Variants in FCHSD2 observed in about 807,000 individuals in gnomAD.
FCHSD2 encodes FCH and double SH3 domains 2.
Under a neutral mutation model 108.1 loss-of-function variants are expected in FCHSD2, and 38 were observed. The observed-to-expected ratio is 0.35, with a 90% CI of 0.27 to 0.46. The LOEUF (loss-of-function observed/expected upper bound fraction) is 0.46. FCHSD2 is among the 20% of genes least tolerant of loss of function. FCHSD2 has a pLI of 1.00. For synonymous variants in FCHSD2, 279 were observed against 314.7 expected (o/e 0.89, Z 1.20); for missense variants, 751 against 897.8 (o/e 0.84, Z 2.09).
At chr11:72,847,098 G>GTGATCCTCCTGCC (rs1214968465) in intron 14 of FCHSD2, among the ~76,000 whole-genome samples, 1 of 152,188 alleles carries the variant, frequency 6.6e-6, no homozygotes, top group Non-Finnish European at 1.5e-5. Flanking sequence ...CTGGGCTCCA[G>GTGATCCTCCTGCC]TGATCCTCCT....
intron 14 of FCHSD2, among the ~76,000 whole-genome samples, chr11:72,843,993 G>A (rs1303724486): frequency 1.3e-5 from 2 of 152,144 alleles, no homozygotes; most frequent in Admixed American, 1.3e-4. Flanking sequence ...GGGCAACAGA[G>A]CGAGACCCTG....
At chr11:73,058,460 A>C (rs1859082643) in intron 3 of FCHSD2, among the ~76,000 whole-genome samples, 1 of 152,188 alleles carries the variant, frequency 6.6e-6, no homozygotes, top group Admixed American at 6.5e-5. Context: ...TTTGAATACT[A>C]CTAGTATAAC....
At chr11:72,937,648 ATTT>A (rs897787208) in intron 8 of FCHSD2, among the ~76,000 whole-genome samples, 55 of 152,226 alleles carry the variant, frequency 3.6e-4, no homozygotes, top group African/African-American at 1.3e-3. Flanking sequence ...TGGCCAAAAT[ATTT>A]TTTTAGAACC....
At chr11:72,959,395 ATT>A (rs530090539) in intron 8 of FCHSD2, among the ~76,000 whole-genome samples, 1 of 138,026 alleles carries the variant, frequency 7.2e-6, no homozygotes. Flanking sequence ...ATGCCCGGCT[ATT>A]TTTTTTTTTT....
At chr11:72,845,838 G>C (rs1861117853) in intron 14 of FCHSD2, among the ~76,000 whole-genome samples, 1 of 152,178 alleles carries the variant, frequency 6.6e-6, no homozygotes, top group African/African-American at 2.4e-5. Context: ...GCAAGTGACT[G>C]TAAGATACCT....
chr11:72,918,783 G>A (rs1201600558), intron 9 of FCHSD2, among the ~76,000 whole-genome samples: 3 of 151,878 alleles, frequency 2.0e-5, no homozygotes, highest in Non-Finnish European at 4.4e-5. Flanking sequence ...AATGAACTTT[G>A]TTATTAATTG....
chr11:72,867,816 C>T lies in FCHSD2; in HGVS notation c.1308+49G>A, dbSNP rs376171133. On this transcript the variant is annotated intron_variant, in intron 13 of 19. Transcript: ENST00000409418. The stretch of plus-strand genomic sequence containing the variant: ...ATTAAGTTTGACTACAGAGTCAAAG[C>T]ATGCTTCAGTGAAAATCAACTTGTC... 197 of 1,549,760 alleles carry T rather than the reference C, an allele frequency of 1.3e-4. 1 individual carries two copies. In the African/African-American group the frequency reaches 2.3e-3, roughly 18 times the overall value.
At chr11:72,988,539 A>G (rs1164537245) in intron 6 of FCHSD2, among the ~76,000 whole-genome samples, 1 of 152,172 alleles carries the variant, frequency 6.6e-6, no homozygotes, top group Non-Finnish European at 1.5e-5. Flanking sequence ...GCTTTTGTTC[A>G]CTTGATGTGT....
chr11:72,900,395 GAC>G, intron 10 of FCHSD2: 2 of 1,030,178 alleles, frequency 1.9e-6, no homozygotes, highest in South Asian at 2.7e-5. Context: ...GGCAAACAAG[GAC>G]ACAACACCTA....
At chr11:73,094,277 A>G (rs1057510542) in intron 2 of FCHSD2, among the ~76,000 whole-genome samples, 6 of 152,176 alleles carry the variant, frequency 3.9e-5, no homozygotes, top group Non-Finnish European at 5.9e-5. Flanking sequence ...AGACTGAACT[A>G]TAGCAATGAG....
intron 8 of FCHSD2, among the ~76,000 whole-genome samples, chr11:72,937,387 C>T (rs1383004337): frequency 1.3e-5 from 2 of 152,154 alleles, no homozygotes; most frequent in African/African-American, 4.8e-5. Flanking sequence ...AAGTATTGAA[C>T]TGACAGAAAG....
At chr11:73,097,390 T>TA (rs1374561205) in intron 2 of FCHSD2, among the ~76,000 whole-genome samples, 1 of 151,484 alleles carries the variant, frequency 6.6e-6, no homozygotes, top group African/African-American at 2.4e-5. Context: ...ATTTATTTTT[T>TA]TTTTTTGCAT....
intron 3 of FCHSD2, among the ~76,000 whole-genome samples, chr11:73,049,124 T>C (rs1858833110): frequency 6.6e-6 from 1 of 152,182 alleles, no homozygotes. Context: ...GCAAGATATG[T>C]AAAAAGACGT....
chr11:72,975,603 T>C (rs1310181597), intron 8 of FCHSD2, among the ~76,000 whole-genome samples: 6 of 152,194 alleles, frequency 3.9e-5, no homozygotes. Flanking sequence ...ATTGTACGCA[T>C]GCATCAAAAT....
chr11:72,940,640 C>A lies in FCHSD2; in HGVS notation c.706-18690G>T. The A allele has an allele frequency of 2.1e-6, 3 of 1,444,982 alleles. 1 individual carries two copies. Among genetic ancestry groups the A allele is most frequent in the South Asian group, 2.3e-5 (2 of 87,542 alleles). The allele number at this position is 1,444,982 out of a possible 1,614,324, so 89.5% of individuals were successfully genotyped here. On this transcript the variant is annotated intron_variant, in intron 8 of 19. Coordinates refer to ENST00000409418, the MANE Select transcript of FCHSD2 (RefSeq NM_014824.3). ...CCCCGCCCCACCCAGCCTGATAAAGCGCGCCGACCAGGCTGCAAGGCCAAG... is the reference window on the plus strand; with the variant it reads ...CCCCGCCCCACCCAGCCTGATAAAGAGCGCCGACCAGGCTGCAAGGCCAAG...
chr11:72,900,135 T>G (rs1257886760), intron 10 of FCHSD2: 2 of 566,856 alleles, frequency 3.5e-6, no homozygotes, highest in East Asian at 3.1e-5. Flanking sequence ...ACACAGCTGG[T>G]GCATCAGGGC....
At chr11:73,053,859 CTATG>C (rs1858959630) in intron 3 of FCHSD2, among the ~76,000 whole-genome samples, 1 of 152,074 alleles carries the variant, frequency 6.6e-6, no homozygotes, top group South Asian at 2.1e-4. Context: ...TTCTTTTTCC[CTATG>C]TATGACCATT....
intron 4 of FCHSD2, among the ~76,000 whole-genome samples, chr11:73,005,949 C>G (rs1006551338): frequency 4.8e-5 from 7 of 144,362 alleles, no homozygotes; most frequent in Admixed American, 3.6e-4. Flanking sequence ...TGTTCTGTTG[C>G]TCAGGCTGGA....
intron 3 of FCHSD2, among the ~76,000 whole-genome samples, chr11:73,036,496 G>A (rs573318709): frequency 6.6e-6 from 1 of 152,088 alleles, no homozygotes; most frequent in Non-Finnish European, 1.5e-5. Context: ...TTCCTCAACT[G>A]TAAAATGGGC....
Sources: allele counts gnomAD v4.1 joint callset (sites outside exome capture counted in the v4.1 genomes callset), GRCh38; gene constraint gnomAD v4.1.1; transcripts MANE v1.5; gene names NCBI Gene and HGNC (gene_info 2026-07-23, HGNC 2026-07-21).